GALNT17: variants seen among roughly 807,000 people sequenced by gnomAD.
GALNT17 encodes polypeptide N-acetylgalactosaminyltransferase 17.
Under a neutral mutation model 63.7 loss-of-function variants are expected in GALNT17, and 29 were observed. The ratio of observed to expected loss-of-function variants is 0.46; its 90% CI spans 0.34 to 0.62. The LOEUF (loss-of-function observed/expected upper bound fraction) is 0.62. GALNT17 is among the 20% of genes least tolerant of loss of function. The probability of loss-of-function intolerance (pLI) is 0.01; values close to 1 mark genes in which losing one functional copy is unlikely to be tolerated. For synonymous variants in GALNT17, 305 were observed against 318.3 expected (o/e 0.96, Z 0.45); for missense variants, 603 against 799.6 (o/e 0.75, Z 2.97).
At chr7:71,380,314 C>T (rs1792821400) in intron 2 of GALNT17, among the ~76,000 whole-genome samples, 1 of 152,008 alleles carries the variant, frequency 6.6e-6, no homozygotes, top group South Asian at 2.1e-4. Flanking sequence ...AGACTATTTA[C>T]TTATTTTTTA....
chr7:71,659,349 G>A (rs1446397659), intron 6 of GALNT17, among the ~76,000 whole-genome samples: 1 of 152,140 alleles, frequency 6.6e-6, no homozygotes, highest in African/African-American at 2.4e-5. Context: ...TCTGGGCTGC[G>A]GTCAGCCAGG....
At chr7:71,458,831 C>T (rs1583972893) in intron 5 of GALNT17, among the ~76,000 whole-genome samples, 1 of 152,030 alleles carries the variant, frequency 6.6e-6, no homozygotes, top group Non-Finnish European at 1.5e-5. Flanking sequence ...CCCTGTTCAG[C>T]GGGTCTTCTG....
chr7:71,156,035 A>G (rs1788228721), intron 1 of GALNT17, among the ~76,000 whole-genome samples: 1 of 151,762 alleles, frequency 6.6e-6, no homozygotes, highest in South Asian at 2.1e-4. Flanking sequence ...TGTGTCTACT[A>G]AAAATACAAA....
chr7:71,268,284 G>A (rs1790526705), intron 1 of GALNT17, among the ~76,000 whole-genome samples: 1 of 151,902 alleles, frequency 6.6e-6, no homozygotes, highest in Non-Finnish European at 1.5e-5. Context: ...GCTCATGCCT[G>A]TAATTCCAAC....
chr7:71,254,693 A>G (rs1189549416), intron 1 of GALNT17, among the ~76,000 whole-genome samples: 1 of 152,138 alleles, frequency 6.6e-6, no homozygotes, highest in Non-Finnish European at 1.5e-5. Context: ...AAGGGGGTCC[A>G]TCAATCAGTT....
At chr7:71,160,739 G>A (rs1308919207) in intron 1 of GALNT17, among the ~76,000 whole-genome samples, 4 of 152,332 alleles carry the variant, frequency 2.6e-5, no homozygotes, top group Middle Eastern at 3.4e-3. Context: ...GATTACAGGC[G>A]TGAGCCACCG....
intron 1 of GALNT17, among the ~76,000 whole-genome samples, chr7:71,170,327 A>ATTATTTAT (rs560724309): frequency 1.3e-5 from 2 of 151,488 alleles, no homozygotes; most frequent in East Asian, 1.9e-4. Flanking sequence ...TTTATTTTTT[A>ATTATTTAT]TTATTTATTT....
At chr7:71,610,922 G>A (rs1233290813) in intron 6 of GALNT17, among the ~76,000 whole-genome samples, 3 of 148,098 alleles carry the variant, frequency 2.0e-5, no homozygotes, top group Admixed American at 1.4e-4. Context: ...GAAGGCGGAG[G>A]TTGCAGTGAG....
chr7:71,506,540 T>C (rs969264807), intron 5 of GALNT17, among the ~76,000 whole-genome samples: 1 of 152,210 alleles, frequency 6.6e-6, no homozygotes, highest in Admixed American at 6.5e-5. Flanking sequence ...GTGCTGGGAT[T>C]ACAGGCGTGA....
intron 5 of GALNT17, among the ~76,000 whole-genome samples, chr7:71,495,144 T>C (rs2116683572): frequency 6.6e-6 from 1 of 152,206 alleles, no homozygotes; most frequent in South Asian, 2.1e-4. Context: ...GGCATGGTGG[T>C]GCACACCTGT....
chr7:71,636,614 T>C (rs895834502), intron 6 of GALNT17, among the ~76,000 whole-genome samples: 3 of 152,216 alleles, frequency 2.0e-5, no homozygotes, highest in African/African-American at 7.2e-5. Context: ...CTGAAATAGC[T>C]GCAGTGAAGA....
intron 1 of GALNT17, among the ~76,000 whole-genome samples, chr7:71,162,574 A>G (rs1479093209): frequency 7.1e-6 from 1 of 140,032 alleles, no homozygotes; most frequent in African/African-American, 2.5e-5. Flanking sequence ...ACTCTTCTGA[A>G]TATAGGGCTC....
At chr7:71,540,150 C>A (rs1460948190) in intron 5 of GALNT17, among the ~76,000 whole-genome samples, 1 of 108,298 alleles carries the variant, frequency 9.2e-6, no homozygotes, top group Non-Finnish European at 1.7e-5. Context: ...TCTATGTCCT[C>A]CAGGCTGGAG....
At chr7:71,670,577 T>G (rs1791053688) in intron 8 of GALNT17, among the ~76,000 whole-genome samples, 1 of 152,220 alleles carries the variant, frequency 6.6e-6, no homozygotes, top group Non-Finnish European at 1.5e-5. Flanking sequence ...GATTTTTCTC[T>G]TATTACAAAT....
chr7:71,371,337 A>T (rs1792620010), intron 2 of GALNT17, among the ~76,000 whole-genome samples: 1 of 152,196 alleles, frequency 6.6e-6, no homozygotes, highest in Non-Finnish European at 1.5e-5. Context: ...ATGATTTATA[A>T]TTTCACCACC....
chr7:71,266,086 G>C (rs1053582323), intron 1 of GALNT17, among the ~76,000 whole-genome samples: 1 of 152,048 alleles, frequency 6.6e-6, no homozygotes, highest in African/African-American at 2.4e-5. Context: ...ATCTGTGGCT[G>C]CATCACTTTA....
At chr7:71,695,739 G>A (rs954706855) in intron 9 of GALNT17, among the ~76,000 whole-genome samples, 13 of 152,106 alleles carry the variant, frequency 8.5e-5, no homozygotes, top group Non-Finnish European at 1.6e-4. Context: ...TATTCAGTTT[G>A]GGATTGGGCA....
intron 5 of GALNT17, among the ~76,000 whole-genome samples, chr7:71,551,694 G>A (rs1020952504): frequency 1.3e-5 from 2 of 151,594 alleles, no homozygotes; most frequent in Admixed American, 1.3e-4. Context: ...GGAGGTTGAC[G>A]GTACATTGAG....
chr7:71,468,238 C>T (rs1009781376), intron 5 of GALNT17, among the ~76,000 whole-genome samples: 4 of 151,950 alleles, frequency 2.6e-5, no homozygotes, highest in South Asian at 2.1e-4. Context: ...CTTTATTGCC[C>T]AGGCTGGTCT....
Sources: allele counts gnomAD v4.1 joint callset (sites outside exome capture counted in the v4.1 genomes callset), GRCh38; gene constraint gnomAD v4.1.1; transcripts MANE v1.5; gene names NCBI Gene and HGNC (gene_info 2026-07-23, HGNC 2026-07-21).